Variants in LRRC43 observed in about 807,000 individuals in gnomAD.
The protein encoded by LRRC43 is leucine rich repeat containing 43.
In LRRC43, 62 loss-of-function variants were observed where a neutral mutation model predicts 64.3. That is an observed-to-expected ratio of 0.96 (90% CI 0.79 to 1.19). LRRC43 has a LOEUF of 1.19. Among genes scored for constraint, LRRC43 ranks in the 50% most tolerant of loss-of-function variants. LRRC43 has a pLI of 0.00. For missense variants in LRRC43, 868 were observed against 845.0 expected, an observed-to-expected ratio of 1.03 and a Z score of -0.34; for synonymous variants, 422 against 382.3, an observed-to-expected ratio of 1.10 and a Z score of -1.21.
chr12:122,195,344 G>C (rs1373747986), intron 7 of LRRC43, among the ~76,000 whole-genome samples: 1 of 151,790 alleles, frequency 6.6e-6, no homozygotes, highest in Non-Finnish European at 1.5e-5. Context: ...TGCTTCCTGG[G>C]TTCAAGCAAT....
In LRRC43 at chr12:122,201,341, T is replaced by G. The variant is rs775016469; in HGVS notation, c.1843+12T>G. ...AGTTGCCAAAAAAGGTGAGTGCCGA[T>G]GGTGGTGACCAAAGGCAGGGATTGT... On this transcript the variant is annotated intron_variant, in intron 11 of 11. Coordinates refer to ENST00000339777, the MANE Select transcript of LRRC43 (RefSeq NM_001098519.2). 15 of 1,613,800 alleles carry G rather than the reference T, an allele frequency of 9.3e-6. No individual in the cohort carries two copies. The highest frequency in any genetic ancestry group is 1.3e-5 in the Non-Finnish European group (15 of 1,179,698).
At chr12:122,174,780 A>G (rs1246055393) in intron 1 of LRRC43, among the ~76,000 whole-genome samples, 1 of 151,464 alleles carries the variant, frequency 6.6e-6, no homozygotes, top group African/African-American at 2.4e-5. Context: ...CTGCAATCTC[A>G]GGGCCCAGAA....
intron 3 of LRRC43, among the ~76,000 whole-genome samples, chr12:122,186,650 G>A (rs1346926169): frequency 6.6e-6 from 1 of 152,230 alleles, no homozygotes; most frequent in African/African-American, 2.4e-5. Flanking sequence ...CAGGCGCGGT[G>A]GCTCACACCT....
intron 1 of LRRC43, among the ~76,000 whole-genome samples, chr12:122,169,579 G>C (rs1953467077): frequency 6.6e-6 from 1 of 151,840 alleles, no homozygotes; most frequent in South Asian, 2.1e-4. Flanking sequence ...AGCCGGGCGT[G>C]GTGGCGGGCG....
intron 1 of LRRC43, among the ~76,000 whole-genome samples, chr12:122,178,065 T>C (rs898310209): frequency 6.6e-6 from 1 of 151,894 alleles, no homozygotes; most frequent in Non-Finnish European, 1.5e-5. Flanking sequence ...CTTGAACTCC[T>C]GACCTCAAGT....
Position 122,184,608 on chromosome 12 carries a change from G to C in LRRC43, c.240G>C (p.Thr80=). Residue 80 remains threonine (T), a synonymous_variant, in exon 2 of 12, where the codon ACG becomes ACC. Coordinates refer to ENST00000339777, the MANE Select transcript of LRRC43 (RefSeq NM_001098519.2). The surrounding 1 kb of genome is among the most constrained non-coding windows in gnomAD (Gnocchi z 4.0). ...EEDVVSPGEE[T]VEALLGLVRS... The stretch of plus-strand genomic sequence containing the variant: ...ATGTGGTGAGCCCCGGAGAGGAGAC[G>C]GTGGAGGCCCTGCTGGGCCTGGTCC... The C allele has an allele frequency of 6.2e-7, 1 of 1,613,950 alleles. No individual in the cohort carries two copies. Among genetic ancestry groups the C allele is most frequent in the Non-Finnish European group, 8.5e-7 (1 of 1,179,868 alleles).
At chr12:122,183,423 C>T (rs1953604413) in intron 1 of LRRC43, 129 bp downstream of exon 1, 2 of 1,073,978 alleles carry the variant, frequency 1.9e-6, no homozygotes, top group African/African-American at 1.7e-5. Context: ...GACATGGGGG[C>T]GGGTGGGGCT....
intron 1 of LRRC43, chr12:122,172,491 G>A: frequency 3.1e-6 from 5 of 1,614,108 alleles, no homozygotes; most frequent in Non-Finnish European, 4.2e-6. Flanking sequence ...TTGAGAAATA[G>A]TCAGGATGAA....
chr12:122,186,654 C>G (rs1342452323), intron 3 of LRRC43, among the ~76,000 whole-genome samples: 1 of 152,164 alleles, frequency 6.6e-6, no homozygotes, highest in East Asian at 1.9e-4. Context: ...CGCGGTGGCT[C>G]ACACCTGTAA....
intron 3 of LRRC43, 62 bp from the exon 4 acceptor site, chr12:122,187,639 G>T: frequency 6.5e-7 from 1 of 1,533,554 alleles, no homozygotes. Context: ...AGAGGGGAGG[G>T]GCCTGATCCT....
At chr12:122,199,536 C>T (rs866257128) in intron 7 of LRRC43, among the ~76,000 whole-genome samples, 40 of 151,884 alleles carry the variant, frequency 2.6e-4, no homozygotes, top group African/African-American at 9.2e-4. Context: ...CCTGCCTCTG[C>T]CTCCCAAAGT....
intron 10 of LRRC43, 70 bp downstream of exon 10, chr12:122,201,004 CA>C: frequency 6.6e-7 from 1 of 1,507,866 alleles, no homozygotes; most frequent in Non-Finnish European, 8.9e-7. Context: ...CGCGGGCAAG[CA>C]AGGGCTGTGG....
At chr12:122,175,506 C>CT (rs201236097) in intron 1 of LRRC43, among the ~76,000 whole-genome samples, 2,654 of 140,208 alleles carry the variant, frequency 0.019, 47 homozygotes, top group African/African-American at 0.044. Context: ...CTTTTTCTTT[C>CT]TTTTTTTTTT....
rs535794230 is a variant in LRRC43, at chr12:122,200,092, C to T, written c.1350-97C>T. 422 of 1,343,618 alleles carry T rather than the reference C, an allele frequency of 3.1e-4. 3 individuals are homozygous for T. The highest frequency in any genetic ancestry group is 8.9e-4 in the South Asian group (65 of 73,262). The allele number at this position is 1,343,618 out of a possible 1,614,324, so 83.2% of individuals were successfully genotyped here. A position where few individuals can be genotyped will look rare whatever the true frequency, so the allele number is the denominator to read the frequency against. ...CATGCTGTTTGTGGGCTTCGATGCT[C>T]GTGGTCTCCTCGGATGTCCCCTCAC... On this transcript the variant is annotated intron_variant, in intron 7 of 11. Transcript: ENST00000339777. The surrounding 1 kb of genome is among the most constrained non-coding windows in gnomAD (Gnocchi z 4.6).
At chr12:122,187,086 C>T (rs1275679260) in intron 3 of LRRC43, among the ~76,000 whole-genome samples, 1 of 151,668 alleles carries the variant, frequency 6.6e-6, no homozygotes, top group African/African-American at 2.4e-5. Context: ...CAAAAATTAG[C>T]CAGGCGTCGT....
Position 122,203,362 on chromosome 12 carries a change from G to A in LRRC43, c.1891G>A (p.Glu631Lys), listed in dbSNP as rs766392847. 1.9e-6 allele frequency: 3 copies of A among 1,613,344 alleles called. No individual in the cohort carries two copies. The highest frequency in any genetic ancestry group is 2.7e-5 in the African/African-American group (2 of 74,918). Reference sequence around the variant, plus strand: ...GATCTACGAAGGCGATTACCACCCTGAGCCCCTGACCGTAGAGGTGCAGAT... The same window carrying A: ...GATCTACGAAGGCGATTACCACCCTAAGCCCCTGACCGTAGAGGTGCAGAT... ...IPIYEGDYHP[E>K]PLTVEVQIQL... The change falls in exon 12 of 12, where the codon GAG becomes AAG. Residue 631 changes from glutamate (E) to lysine (K), a missense_variant. Glu to Lys is a moderately conservative substitution (Grantham distance 56). Coordinates refer to ENST00000339777, the MANE Select transcript of LRRC43 (RefSeq NM_001098519.2).
At chr12:122,185,630 G>T (rs1009091046) in intron 2 of LRRC43, among the ~76,000 whole-genome samples, 4 of 152,188 alleles carry the variant, frequency 2.6e-5, no homozygotes, top group Admixed American at 2.6e-4. Context: ...ACGGCACTAG[G>T]GGACAAATAG....
intron 7 of LRRC43, among the ~76,000 whole-genome samples, chr12:122,196,391 C>T (rs372975161): frequency 1.3e-5 from 2 of 152,176 alleles, no homozygotes; most frequent in African/African-American, 4.8e-5. Flanking sequence ...AATTAGCAAA[C>T]GCCAGTCATC....
At chr12:122,172,734 TC>T in intron 1 of LRRC43, 1 of 1,607,604 alleles carries the variant, frequency 6.2e-7, no homozygotes, top group Non-Finnish European at 8.5e-7. Context: ...GCCCTTCTCT[TC>T]CTCCACCTGT....
Sources: gnomAD v4.1 joint callset for allele counts (sites outside exome capture counted in the v4.1 genomes callset) on GRCh38, gnomAD v4.1.1 for gene constraint, Gnocchi (gnomAD v3.1) non-coding constraint, MANE v1.5 for transcripts, NCBI Gene and HGNC (gene_info 2026-07-23, HGNC 2026-07-21) for gene names.